The following PLEKHA7 variants were observed in gnomAD, a reference collection of about 807,000 sequenced individuals.
The protein encoded by PLEKHA7 is pleckstrin homology domain containing A7.
In PLEKHA7, 104 loss-of-function variants were observed where a neutral mutation model predicts 170.0. That is an observed-to-expected ratio of 0.61 (90% CI 0.52 to 0.72). The LOEUF is 0.72. PLEKHA7 is among the 30% of genes least tolerant of loss of function. The pLI, the probability that PLEKHA7 is intolerant of heterozygous loss-of-function variation, is 0.00. For missense variants in PLEKHA7, 1,615 were observed against 1,671.7 expected (o/e 0.97, Z 0.59); for synonymous variants, 648 against 660.8 (o/e 0.98, Z 0.30).
intron 3 of PLEKHA7, among the ~76,000 whole-genome samples, chr11:17,001,922 T>C (rs774680890): frequency 2.6e-5 from 4 of 152,154 alleles, no homozygotes; most frequent in Non-Finnish European, 5.9e-5. Context: ...CCTGAGAAAA[T>C]TGGCTGTGAT....
At chr11:16,918,152 C>A (rs1035060328) in intron 3 of PLEKHA7, among the ~76,000 whole-genome samples, 1 of 152,206 alleles carries the variant, frequency 6.6e-6, no homozygotes, top group Non-Finnish European at 1.5e-5. Flanking sequence ...CTGGGGCTCA[C>A]AATTCACATG....
intron 19 of PLEKHA7, among the ~76,000 whole-genome samples, chr11:16,794,049 T>C (rs1848041937): frequency 6.6e-6 from 1 of 152,204 alleles, no homozygotes; most frequent in African/African-American, 2.4e-5. Flanking sequence ...AGCCCAGTGC[T>C]CAGCGGCGGG....
At chr11:16,850,801 C>T (rs1349066076) in intron 8 of PLEKHA7, among the ~76,000 whole-genome samples, 1 of 152,222 alleles carries the variant, frequency 6.6e-6, no homozygotes, top group African/African-American at 2.4e-5. Flanking sequence ...GGCCCCTAAC[C>T]TTCAATGTGA....
intron 16 of PLEKHA7, 88 bp from the exon 17 acceptor site, chr11:16,801,163 AC>A: frequency 8.7e-7 from 1 of 1,153,356 alleles, no homozygotes; most frequent in Non-Finnish European, 1.3e-6. Context: ...GACCATGCTG[AC>A]CCAGCCAGGG....
In PLEKHA7 at chr11:16,833,023, C is replaced by G. The variant is rs78350331; in HGVS notation, c.873-6433G>C. Among the ~76,000 whole-genome samples the G allele has an allele frequency of 3.6e-3, 555 of 152,306 alleles. 4 individuals carry two copies. The highest frequency in any genetic ancestry group is 6.0e-3 in the Non-Finnish European group (411 of 68,026). On this transcript the variant is annotated intron_variant, in intron 9 of 26. Transcript: ENST00000531066. ...TATGTGGAGCACCCTAAGGCAGGCT[C>G]GCTCTTTTGAATGAGTTCCTAGCAT...
rs866341349 is a variant in PLEKHA7 at position 16,906,401 on chromosome 11, G to A, written c.222-35219C>T. Among the ~76,000 whole-genome samples the A allele has an allele frequency of 2.4e-3, 343 of 142,372 alleles. 4 individuals are homozygous for A. Among genetic ancestry groups the A allele is most frequent in the African/African-American group, 9.2e-3 (322 of 35,120 alleles). 93.4% of individuals were successfully genotyped at this position (142,372 alleles called of 152,430 possible). On this transcript the variant is annotated intron_variant, in intron 3 of 26. Coordinates refer to ENST00000531066, the MANE Select transcript of PLEKHA7 (RefSeq NM_001329630.2). The stretch of plus-strand genomic sequence containing the variant: ...AGCTGGACTGTACTGCTGCCATCTC[G>A]GCTCACTGCAACCTCCCTGCCTGAT...
At position 16,777,405 on chromosome 11, in the gene PLEKHA7, A is replaced by T. The variant is rs1028188439; in HGVS notation, c.*1593T>A. The T allele has an allele frequency of 7.2e-5, 11 of 152,356 alleles. No homozygotes were observed. The East Asian group carries it at 2.1e-3, about 29-fold the overall frequency. 9.4% of individuals were successfully genotyped at this position (152,356 alleles called of 1,614,324 possible). On this transcript the variant is annotated 3_prime_UTR_variant, in exon 27 of 27. Transcript: ENST00000531066. ...ATTTCATTTTTTCCAAGAAAATCTT[A>T]TAAAGGCAAAAATAAAATTTTATTT...
Position 16,789,413 on chromosome 11 carries a change from G to A in PLEKHA7, c.3157-117C>T, listed in dbSNP as rs1478671866. On this transcript the variant is annotated intron_variant, in intron 22 of 26. Coordinates refer to ENST00000531066, the MANE Select transcript of PLEKHA7 (RefSeq NM_001329630.2). This position sits in a 1 kb window ranked among gnomAD's most constrained non-coding sequence, Gnocchi z 4.6. ...CTCTCTCACACACATGCACACTCTA[G>A]TTGGGCTCCTCTTGGCCTTAGAGAA... The A allele has an allele frequency of 6.2e-6, 6 of 965,844 alleles. No homozygotes were observed. The Admixed American group carries it at 1.2e-4, about 19-fold the overall frequency. 59.8% of individuals were successfully genotyped at this position (965,844 alleles called of 1,614,324 possible).
intron 4 of PLEKHA7, among the ~76,000 whole-genome samples, chr11:16,862,540 A>C (rs2135548084): frequency 6.6e-6 from 1 of 152,342 alleles, no homozygotes; most frequent in Non-Finnish European, 1.5e-5. Flanking sequence ...TCACAGGAAG[A>C]AACAAAATTA....
At chr11:16,941,081 T>C (rs1041204402) in intron 3 of PLEKHA7, among the ~76,000 whole-genome samples, 2 of 152,176 alleles carry the variant, frequency 1.3e-5, no homozygotes, top group African/African-American at 4.8e-5. Context: ...AGAAAAGTAG[T>C]AGAAGCGATG....
At chr11:16,810,162 C>G (rs1268418167) in intron 13 of PLEKHA7, among the ~76,000 whole-genome samples, 2 of 152,246 alleles carry the variant, frequency 1.3e-5, no homozygotes, top group East Asian at 3.8e-4. Context: ...AGTATATTCC[C>G]TTTTCGACTT....
chr11:16,789,304 AGAG>A lies in PLEKHA7; in HGVS notation c.3157-11_3157-9del, dbSNP rs1849625211. The A allele has an allele frequency of 6.2e-6, 10 of 1,612,440 alleles. No individual in the cohort carries two copies. The highest frequency in any genetic ancestry group is 8.5e-6 in the Non-Finnish European group (10 of 1,179,894). On this transcript the variant is annotated splice_polypyrimidine_tract_variant and intron_variant, in intron 22 of 26. Transcript: ENST00000531066. The surrounding 1 kb of genome is among the most constrained non-coding windows in gnomAD (Gnocchi z 4.6). Reference sequence around the variant, plus strand: ...CAAGGCACTCTTAGGTCTCTGAGGAAGAGGAGGCAGGCAAGAGAGACACAGAAC... The same window carrying A: ...CAAGGCACTCTTAGGTCTCTGAGGAAGAGGCAGGCAAGAGAGACACAGAAC...
intron 3 of PLEKHA7, among the ~76,000 whole-genome samples, chr11:16,989,465 T>C (rs1415550783): frequency 6.6e-6 from 1 of 152,188 alleles, no homozygotes; most frequent in Non-Finnish European, 1.5e-5. Flanking sequence ...GACCAAGAAC[T>C]TCCCCAAAGT....
chr11:16,936,603 C>T (rs1426396625), intron 3 of PLEKHA7, among the ~76,000 whole-genome samples: 1 of 152,164 alleles, frequency 6.6e-6, no homozygotes. Context: ...CGAATCATGC[C>T]TCTTCTCTCC....
At chr11:16,983,027 C>G (rs1206986991) in intron 3 of PLEKHA7, among the ~76,000 whole-genome samples, 1 of 152,170 alleles carries the variant, frequency 6.6e-6, no homozygotes, top group Non-Finnish European at 1.5e-5. Flanking sequence ...TTTCCTGGGC[C>G]TCCTACCAGA....
At chr11:16,858,527 T>C (rs1853664482) in intron 4 of PLEKHA7, among the ~76,000 whole-genome samples, 1 of 151,752 alleles carries the variant, frequency 6.6e-6, no homozygotes, top group Non-Finnish European at 1.5e-5. Context: ...AGTTTCGCTC[T>C]TGTTGCCCAG....
At chr11:16,799,693 AT>A (rs1429727798) in intron 17 of PLEKHA7, among the ~76,000 whole-genome samples, 1 of 152,224 alleles carries the variant, frequency 6.6e-6, no homozygotes, top group Non-Finnish European at 1.5e-5. Flanking sequence ...TTCACCTAGT[AT>A]TTTCAAGTCA....
intron 3 of PLEKHA7, among the ~76,000 whole-genome samples, chr11:16,940,482 G>T (rs1860617019): frequency 6.6e-6 from 1 of 151,832 alleles, no homozygotes; most frequent in Admixed American, 6.6e-5. Context: ...TACAGACGGG[G>T]TTCCACCAGA....
At chr11:16,946,035 C>T (rs978095344) in intron 3 of PLEKHA7, among the ~76,000 whole-genome samples, 10 of 152,228 alleles carry the variant, frequency 6.6e-5, no homozygotes, top group African/African-American at 2.4e-4. Flanking sequence ...AGGCAAGATG[C>T]CCTCCACTGT....
Sources: gnomAD v4.1 joint callset for allele counts (sites outside exome capture counted in the v4.1 genomes callset) on GRCh38, gnomAD v4.1.1 for gene constraint, Gnocchi (gnomAD v3.1) non-coding constraint, MANE v1.5 for transcripts, NCBI Gene and HGNC (gene_info 2026-07-23, HGNC 2026-07-21) for gene names.